Variants in CSF2RA observed in about 807,000 individuals in gnomAD.
CSF2RA encodes the protein colony stimulating factor 2 receptor subunit alpha, also known as granulocyte-macrophage colony-stimulating factor receptor subunit alpha.
CSF2RA carries 42 observed loss-of-function variants against 51.6 expected under a neutral mutation model. That is an observed-to-expected ratio of 0.81 (90% CI 0.64 to 1.05). The LOEUF (loss-of-function observed/expected upper bound fraction) is 1.05. CSF2RA is among the 50% of genes least tolerant of loss of function. The pLI is 0.00. For missense variants in CSF2RA, 530 were observed against 501.1 expected (o/e 1.06, Z -0.55); for synonymous variants, 222 against 193.0 (o/e 1.15, Z -1.24).
intron 9 of CSF2RA, 75 bp downstream of exon 9, chrX:1,295,531 A>ACTCTACAGTCCCCTACTCATGAC: frequency 7.6e-7 from 1 of 1,308,794 alleles, no homozygotes; most frequent in Non-Finnish European, 1.1e-6. Flanking sequence ...ACCTAGTGTA[A>ACTCTACAGTCCCCTACTCATGAC]CTCTACAGTC....
intron 4 of CSF2RA, among the ~76,000 whole-genome samples, chrX:1,287,689 C>T (rs1324279924): frequency 7.2e-6 from 1 of 139,686 alleles, no homozygotes; most frequent in African/African-American, 2.7e-5. Context: ...AGTGATCCAC[C>T]CGCCTCGGCC....
chrX:1,293,646 G>A (rs1389522405), intron 7 of CSF2RA, among the ~76,000 whole-genome samples: 1 of 145,456 alleles, frequency 6.9e-6, no homozygotes, highest in African/African-American at 2.6e-5. Flanking sequence ...CGTAGACAAA[G>A]AGGTGTTTCT....
At chrX:1,287,198 G>A (rs1172586263) in intron 4 of CSF2RA, 1 of 144,546 alleles carries the variant, frequency 6.9e-6, no homozygotes, top group South Asian at 2.2e-4. Flanking sequence ...TTGTTGCCCA[G>A]GCTGGAGTAC....
At chrX:1,297,159 C>G (rs1445538772) in intron 9 of CSF2RA, among the ~76,000 whole-genome samples, 10 of 42,400 alleles carry the variant, frequency 2.4e-4, no homozygotes, top group Non-Finnish European at 4.9e-4. Context: ...ACCCTACAGT[C>G]CCCTACTCAC....
intron 7 of CSF2RA, among the ~76,000 whole-genome samples, chrX:1,292,957 G>C (rs2091542087): frequency 6.6e-6 from 1 of 152,132 alleles, no homozygotes; most frequent in African/African-American, 2.4e-5. Flanking sequence ...TCGGGCAGAG[G>C]TCCCTGCGGC....
intron 10 of CSF2RA, among the ~76,000 whole-genome samples, chrX:1,301,104 G>C (rs1425094449): frequency 6.6e-6 from 1 of 151,096 alleles, no homozygotes; most frequent in Non-Finnish European, 1.5e-5. Context: ...ACTGAGCTGG[G>C]ATCACGCCAT....
Position 1,288,805 on chromosome X carries a change from T to C in CSF2RA, c.390T>C (p.Asn130=). Residue 130 remains asparagine, a synonymous_variant, in exon 6 of 13, where the codon AAT becomes AAC. Transcript: ENST00000381529. ...AGAATTTCTCCTGTTTCATCTACAA[T>C]GCGGATTTAATGAACTGTACCTGGG... ...AAQNFSCFIY[N]ADLMNCTWAR... 6.2e-7 allele frequency: 1 copy of C among 1,613,918 alleles called. No homozygotes were observed. Among genetic ancestry groups the C allele is most frequent in the South Asian group, 1.1e-5 (1 of 91,084 alleles).
rs757988235 is a variant in CSF2RA at position 1,275,547 on chromosome X, C to G, written c.-27+729C>G. Among the ~76,000 whole-genome samples the G allele has an allele frequency of 2.0e-5, 3 of 150,812 alleles. No homozygotes were observed. In the East Asian group the frequency reaches 5.8e-4, roughly 29 times the overall value. On this transcript the variant is annotated intron_variant, in intron 2 of 12. Coordinates refer to ENST00000381529, the MANE Select transcript of CSF2RA (RefSeq NM_172245.4). ...TGTTTTTGTTTGTTTACTTATTTTACTTTATTTTATTTATTTATTTATTTA... is the reference window on the plus strand; with the variant it reads ...TGTTTTTGTTTGTTTACTTATTTTAGTTTATTTTATTTATTTATTTATTTA...
At chrX:1,303,886 C>T (rs753617302) in intron 10 of CSF2RA, 37 bp from the exon 11 acceptor site, 18 of 1,523,060 alleles carry the variant, frequency 1.2e-5, no homozygotes, top group Non-Finnish European at 1.4e-5. Context: ...TGTCCGTCAA[C>T]GATTCACCGC....
At position 1,301,623 on chromosome X, in the gene CSF2RA, C is replaced by A. The variant is rs28485553; in HGVS notation, c.946+997C>A. 9.0e-3 allele frequency among the ~76,000 whole-genome samples: 1,148 copies of A among 127,734 alleles called. 12 individuals carry two copies. Among genetic ancestry groups the A allele is most frequent in the African/African-American group, 0.033 (1,106 of 33,574 alleles). 83.8% of individuals were successfully genotyped at this position (127,734 alleles called of 152,430 possible). ...TTTTTTTTTTTTTTTTTTGAGACGGCGTTTCGCTCTTGTCGCAGGCTGGAG... is the reference window on the plus strand; with the variant it reads ...TTTTTTTTTTTTTTTTTTGAGACGGAGTTTCGCTCTTGTCGCAGGCTGGAG... On this transcript the variant is annotated intron_variant, in intron 10 of 12. Coordinates refer to ENST00000381529, the MANE Select transcript of CSF2RA (RefSeq NM_172245.4).
chrX:1,324,924 C>G, the CSF2RA span, among the ~76,000 whole-genome samples: 983 of 151,878 alleles, frequency 6.5e-3, 33 homozygotes, highest in Admixed American at 0.061. Flanking sequence ...GGGTACTCAG[C>G]GATCACAGGA....
intron 1 of CSF2RA, among the ~76,000 whole-genome samples, chrX:1,272,058 A>G (rs2088509320): frequency 6.7e-6 from 1 of 150,122 alleles, no homozygotes; most frequent in African/African-American, 2.5e-5. Context: ...GGTTCAACTG[A>G]TTCTCCTGCC....
intron 10 of CSF2RA, among the ~76,000 whole-genome samples, chrX:1,300,943 C>T (rs778851880): frequency 6.6e-6 from 1 of 152,138 alleles, no homozygotes; most frequent in East Asian, 1.9e-4. Flanking sequence ...CACCGGAGGT[C>T]AGGAGTTTGA....
intron 4 of CSF2RA, among the ~76,000 whole-genome samples, chrX:1,286,509 C>T (rs1273075815): frequency 1.1e-4 from 17 of 151,222 alleles, no homozygotes; most frequent in African/African-American, 2.2e-4. Context: ...GCGGAGGTTG[C>T]GGTGAGCCGA....
chrX:1,298,842 CT>C (rs1569508053), intron 9 of CSF2RA, among the ~76,000 whole-genome samples: 3 of 152,108 alleles, frequency 2.0e-5, no homozygotes, highest in African/African-American at 7.2e-5. Flanking sequence ...TCACCTCCCC[CT>C]AGACCCAGTG....
the CSF2RA span, among the ~76,000 whole-genome samples, chrX:1,322,195 T>A: frequency 6.6e-6 from 1 of 151,692 alleles, no homozygotes; most frequent in African/African-American, 2.4e-5. Flanking sequence ...AACCTCCACC[T>A]CCCAGGTTCA....
At chrX:1,311,105 T>C (rs375357470), downstream of CSF2RA, among the ~76,000 whole-genome samples, 385 of 151,422 alleles carry the variant, frequency 2.5e-3, 2 homozygotes, top group African/African-American at 8.9e-3. Flanking sequence ...AAAAGTTAGC[T>C]GGGTGTGGTG....
intron 8 of CSF2RA, 128 bp downstream of exon 8, chrX:1,294,589 G>A (rs1192621445): frequency 1.6e-6 from 2 of 1,251,650 alleles, no homozygotes; most frequent in Non-Finnish European, 2.3e-6. Context: ...GTGACTCTGG[G>A]GTGAACGCAC....
chrX:1,270,023 C>T (rs1380290063), intron 1 of CSF2RA, among the ~76,000 whole-genome samples: 10 of 151,798 alleles, frequency 6.6e-5, no homozygotes, highest in Non-Finnish European at 1.3e-4. Context: ...GCAGGAGAAT[C>T]GCTTGAACCC....
Sources: gnomAD v4.1 joint callset for allele counts (sites outside exome capture counted in the v4.1 genomes callset) on GRCh38, gnomAD v4.1.1 for gene constraint, MANE v1.5 for transcripts, NCBI Gene and HGNC (gene_info 2026-07-23, HGNC 2026-07-21) for gene names.